The following CFAP54 variants were observed in gnomAD, a reference collection of about 807,000 sequenced individuals.
CFAP54 encodes cilia- and flagella-associated protein 54.
A neutral mutation model predicts 370.4 loss-of-function variants in CFAP54; 290 were observed. That is an observed-to-expected ratio of 0.78 (90% CI 0.71 to 0.86). The LOEUF is 0.86. Ranked by LOEUF, CFAP54 falls within the 40% of genes least tolerant of loss-of-function variation. CFAP54 has a pLI of 0.00. For missense variants in CFAP54, 3,399 were observed against 3,528.7 expected (o/e 0.96, Z 0.93); for synonymous variants, 1,206 against 1,236.5 (o/e 0.98, Z 0.52).
chr12:96,810,786 T>A (rs796711865), intron 63 of CFAP54, among the ~76,000 whole-genome samples: 1 of 152,178 alleles, frequency 6.6e-6, no homozygotes, highest in South Asian at 2.1e-4. Flanking sequence ...CTCAGAAGAA[T>A]AGACAAAAAC....
chr12:96,521,518 G>T (rs1261153661), intron 6 of CFAP54, among the ~76,000 whole-genome samples: 1 of 108,970 alleles, frequency 9.2e-6, no homozygotes, highest in African/African-American at 4.1e-5. Flanking sequence ...GTGTGTGTGT[G>T]TGTGTGTGTG....
At chr12:96,795,201 G>A (rs1304716052) in intron 63 of CFAP54, among the ~76,000 whole-genome samples, 2 of 152,158 alleles carry the variant, frequency 1.3e-5, no homozygotes, top group African/African-American at 4.8e-5. Context: ...TAGTGCACTG[G>A]TTTTGTGTTG....
intron 14 of CFAP54, among the ~76,000 whole-genome samples, chr12:96,546,095 G>A (rs1008810351): frequency 4.3e-4 from 65 of 152,180 alleles, no homozygotes; most frequent in African/African-American, 1.6e-3. Flanking sequence ...CAGAAGCACA[G>A]GTAAAACAAG....
At chr12:96,600,362 A>G (rs7958052) in intron 26 of CFAP54, among the ~76,000 whole-genome samples, 68,962 of 151,944 alleles carry the variant, frequency 0.45, 15,986 homozygotes, top group Admixed American at 0.51. Flanking sequence ...TTTTGGTACC[A>G]GTACCATGCT....
At chr12:96,544,410 A>ATCTCTCTC (rs71068815) in intron 14 of CFAP54, among the ~76,000 whole-genome samples, 33 of 148,114 alleles carry the variant, frequency 2.2e-4, no homozygotes, top group East Asian at 1.4e-3. Context: ...AAAACAGAAT[A>ATCTCTCTC]TCTCTCTCTC....
At chr12:96,648,935 C>T (rs772593721) in intron 34 of CFAP54, among the ~76,000 whole-genome samples, 3 of 152,222 alleles carry the variant, frequency 2.0e-5, no homozygotes, top group East Asian at 1.9e-4. Context: ...TGTAGTCTGA[C>T]GAACCTGACT....
intron 9 of CFAP54, among the ~76,000 whole-genome samples, chr12:96,532,244 A>G (rs1955447449): frequency 6.6e-6 from 1 of 152,024 alleles, no homozygotes; most frequent in African/African-American, 2.4e-5. Flanking sequence ...TTCTTTTCCC[A>G]TGAGCTTTCC....
In CFAP54 at chr12:96,700,104, A is replaced by G. The variant is rs1352473988; in HGVS notation, c.6474+11A>G. The stretch of plus-strand genomic sequence containing the variant: ...ACTGGAAAAATGAAGGTAACCTGAC[A>G]ATTTGATTCAAAGCAATTTCTTTAC... On this transcript the variant is annotated intron_variant, in intron 46 of 67. Coordinates refer to ENST00000524981, the MANE Select transcript of CFAP54 (RefSeq NM_001306084.2). 1 of 1,598,978 alleles carries G rather than the reference A, an allele frequency of 6.3e-7. No homozygotes were observed. The highest frequency in any genetic ancestry group is 8.5e-7 in the Non-Finnish European group (1 of 1,174,940).
chr12:96,595,455 C>T (rs1188511445), intron 25 of CFAP54, among the ~76,000 whole-genome samples: 1 of 152,050 alleles, frequency 6.6e-6, no homozygotes, highest in Non-Finnish European at 1.5e-5. Flanking sequence ...AAGTTATCGC[C>T]GTCATTGTCA....
chr12:96,639,232 A>C (rs1008287406), intron 32 of CFAP54, among the ~76,000 whole-genome samples: 1 of 152,224 alleles, frequency 6.6e-6, no homozygotes, highest in Non-Finnish European at 1.5e-5. Flanking sequence ...CGCAATAAAA[A>C]ATGATAAAGG....
chr12:96,822,384 A>T (rs183758644), intron 65 of CFAP54, among the ~76,000 whole-genome samples: 7 of 152,344 alleles, frequency 4.6e-5, no homozygotes, highest in Non-Finnish European at 4.4e-5. Flanking sequence ...TGATTGTAAG[A>T]CTATTAAAAT....
intron 36 of CFAP54, among the ~76,000 whole-genome samples, chr12:96,655,791 A>C (rs1956915443): frequency 6.6e-6 from 1 of 152,196 alleles, no homozygotes; most frequent in Admixed American, 6.5e-5. Context: ...CAGTTAAAAA[A>C]ATCTGTAAGG....
rs1311574696 is a variant in CFAP54, at chr12:96,618,256, C to CA, written c.3640-3327dup. Among the ~76,000 whole-genome samples the CA allele has an allele frequency of 7.9e-5, 12 of 152,056 alleles. No homozygotes were observed. In the East Asian group the frequency reaches 1.6e-3, roughly 20 times the overall value. On this transcript the variant is annotated intron_variant, in intron 26 of 67. Coordinates refer to ENST00000524981, the MANE Select transcript of CFAP54 (RefSeq NM_001306084.2). ...AATGGCAACTTCTGCTAAAACAATC[C>CA]AAAAAAACCAATTCAGCTTATCGAC...
chr12:96,681,484 C>T (rs1250145544), intron 40 of CFAP54, among the ~76,000 whole-genome samples: 1 of 151,568 alleles, frequency 6.6e-6, no homozygotes, highest in Non-Finnish European at 1.5e-5. Flanking sequence ...TTAAAAAAGG[C>T]AAACTCAAAC....
At chr12:96,788,128 A>G (rs1958647359) in intron 62 of CFAP54, among the ~76,000 whole-genome samples, 1 of 152,144 alleles carries the variant, frequency 6.6e-6, no homozygotes, top group South Asian at 2.1e-4. Flanking sequence ...TGTAAAACAT[A>G]TTTGCTTAAG....
chr12:96,500,981 G>C (rs1355098497), intron 2 of CFAP54, 42 bp downstream of exon 2: 1 of 1,219,320 alleles, frequency 8.2e-7, no homozygotes, highest in Non-Finnish European at 1.2e-6. Context: ...AAGTTCATTT[G>C]GCTAATTATT....
At chr12:96,726,116 G>C (rs376900274) in intron 50 of CFAP54, among the ~76,000 whole-genome samples, 1 of 150,368 alleles carries the variant, frequency 6.7e-6, no homozygotes, top group Non-Finnish European at 1.5e-5. Context: ...ATGTTCATCA[G>C]GGATATTGGT....
chr12:96,788,849 C>T (rs1958654165), intron 62 of CFAP54, among the ~76,000 whole-genome samples: 1 of 152,144 alleles, frequency 6.6e-6, no homozygotes, highest in Non-Finnish European at 1.5e-5. Flanking sequence ...GTATTGAAAG[C>T]ACACTGGAAG....
intron 39 of CFAP54, among the ~76,000 whole-genome samples, chr12:96,668,847 A>T (rs1470414453): frequency 2.0e-5 from 3 of 152,130 alleles, no homozygotes; most frequent in Non-Finnish European, 4.4e-5. Context: ...TATTCATTTT[A>T]TGTTTGTATA....
Sources: gnomAD v4.1 joint callset for allele counts (sites outside exome capture counted in the v4.1 genomes callset) on GRCh38, gnomAD v4.1.1 for gene constraint, MANE v1.5 for transcripts, NCBI Gene and HGNC (gene_info 2026-07-23, HGNC 2026-07-21) for gene names.